The following CALN1 variants were observed in gnomAD, a reference collection of about 807,000 sequenced individuals.
CALN1 encodes calcium-binding protein 8.
A neutral mutation model predicts 30.6 loss-of-function variants in CALN1; 17 were observed. The observed-to-expected ratio is 0.56, with a 90% CI of 0.38 to 0.83. The LOEUF (loss-of-function observed/expected upper bound fraction) is 0.83, where lower values mean the gene tolerates loss of function less well. CALN1 is among the 40% of genes least tolerant of loss of function. The pLI is 0.00. For missense variants in CALN1, 291 were observed against 354.9 expected (o/e 0.82, Z 1.45); for synonymous variants, 156 against 131.4 (o/e 1.19, Z -1.28).
At chr7:71,979,592 G>A (rs1262708324) in intron 5 of CALN1, among the ~76,000 whole-genome samples, 1 of 152,122 alleles carries the variant, frequency 6.6e-6, no homozygotes, top group African/African-American at 2.4e-5. Context: ...AATCTTCACT[G>A]ACTCACCCAC....
chr7:71,994,803 C>A (rs975019873), intron 5 of CALN1, among the ~76,000 whole-genome samples: 4 of 151,222 alleles, frequency 2.6e-5, no homozygotes, highest in Non-Finnish European at 4.4e-5. Context: ...TTGGTTGGAC[C>A]AGGTGTGCCA....
intron 4 of CALN1, among the ~76,000 whole-genome samples, chr7:72,090,309 G>A (rs1259984360): frequency 1.3e-5 from 2 of 152,030 alleles, no homozygotes. Flanking sequence ...AAAGAAAGGA[G>A]AAAAGTAAAA....
At chr7:72,315,965 G>A (rs1447526779) in intron 2 of CALN1, among the ~76,000 whole-genome samples, 1 of 151,738 alleles carries the variant, frequency 6.6e-6, no homozygotes, top group East Asian at 1.9e-4. Flanking sequence ...TGGCCAACAT[G>A]GTGAAACCCC....
At chr7:72,158,018 T>C (rs534763320) in intron 3 of CALN1, among the ~76,000 whole-genome samples, 58 of 152,320 alleles carry the variant, frequency 3.8e-4, no homozygotes, top group African/African-American at 1.3e-3. Flanking sequence ...GTGCTGTGAT[T>C]ACAGGTGTGA....
intron 2 of CALN1, among the ~76,000 whole-genome samples, chr7:72,300,703 T>C (rs979697233): frequency 6.6e-6 from 1 of 152,172 alleles, no homozygotes; most frequent in East Asian, 1.9e-4. Context: ...TGTCTAATTA[T>C]ATTTATAGCC....
intron 4 of CALN1, among the ~76,000 whole-genome samples, chr7:72,026,301 G>C (rs1584771677): frequency 1.3e-5 from 2 of 152,118 alleles, no homozygotes; most frequent in Admixed American, 1.3e-4. Flanking sequence ...CAAAATAGAG[G>C]GGGGTTGGGT....
At chr7:72,319,868 G>A (rs932021815) in intron 2 of CALN1, among the ~76,000 whole-genome samples, 4 of 151,920 alleles carry the variant, frequency 2.6e-5, no homozygotes, top group African/African-American at 9.7e-5. Context: ...AGGGTGGGAG[G>A]GGATGAGAGA....
intron 4 of CALN1, among the ~76,000 whole-genome samples, chr7:72,058,706 A>T (rs1489942066): frequency 6.6e-6 from 1 of 152,158 alleles, no homozygotes; most frequent in African/African-American, 2.4e-5. Flanking sequence ...GGAAGATGGT[A>T]AGCTCTGAAC....
chr7:72,088,735 A>AAGAAG (rs1394871387), intron 4 of CALN1, among the ~76,000 whole-genome samples: 1 of 149,602 alleles, frequency 6.7e-6, no homozygotes, highest in African/African-American at 2.4e-5. Context: ...AGAAAGAAGA[A>AAGAAG]GGAAGGAAGG....
chr7:72,376,724 T>C (rs1443056918), intron 2 of CALN1, among the ~76,000 whole-genome samples: 1 of 152,246 alleles, frequency 6.6e-6, no homozygotes, highest in Admixed American at 6.5e-5. Flanking sequence ...AAATCCAATT[T>C]ATCTATTTCT....
intron 3 of CALN1, among the ~76,000 whole-genome samples, chr7:72,277,475 A>G (rs1315366933): frequency 6.6e-6 from 1 of 152,154 alleles, no homozygotes; most frequent in Non-Finnish European, 1.5e-5. Context: ...AGCAGCCGCT[A>G]TCCCTAGGAA....
chr7:72,189,978 G>A (rs959696812), intron 3 of CALN1, among the ~76,000 whole-genome samples: 1 of 152,098 alleles, frequency 6.6e-6, no homozygotes, highest in African/African-American at 2.4e-5. Flanking sequence ...TTACTGTCCA[G>A]GAAGATGTTA....
chr7:72,081,760 G>C (rs1195599096), intron 4 of CALN1, among the ~76,000 whole-genome samples: 1 of 152,058 alleles, frequency 6.6e-6, no homozygotes, highest in Non-Finnish European at 1.5e-5. Flanking sequence ...GGACTAGCCA[G>C]AACTCATCCA....
chr7:71,922,731 A>C lies in CALN1; in HGVS notation c.501+100926T>G, dbSNP rs538883966. The stretch of plus-strand genomic sequence containing the variant: ...TATATTATATAAATATATAACATAC[A>C]GAATATATTATATATAAATATATAA... On this transcript the variant is annotated intron_variant, in intron 5 of 6. Transcript: ENST00000395275. 2.9e-4 allele frequency among the ~76,000 whole-genome samples: 40 copies of C among 138,588 alleles called. 1 individual carries two copies. The South Asian group carries it at 4.8e-3, about 17-fold the overall frequency. The allele number at this position is 138,588 out of a possible 152,430, so 90.9% of individuals were successfully genotyped here.
chr7:72,336,158 G>A (rs952389161), intron 2 of CALN1, among the ~76,000 whole-genome samples: 9 of 152,190 alleles, frequency 5.9e-5, no homozygotes, highest in Non-Finnish European at 1.3e-4. Context: ...GCCCAGAAAG[G>A]CAAGCAGTCA....
chr7:72,477,578 C>T, the CALN1 span, among the ~76,000 whole-genome samples: 1 of 152,118 alleles, frequency 6.6e-6, no homozygotes, highest in Non-Finnish European at 1.5e-5. Context: ...ACACCACATT[C>T]AGCTAACTTT....
intron 4 of CALN1, among the ~76,000 whole-genome samples, chr7:72,035,435 G>A (rs1202971143): frequency 6.6e-6 from 1 of 152,140 alleles, no homozygotes; most frequent in Non-Finnish European, 1.5e-5. Context: ...GCATATGCCA[G>A]CATTTCCTTC....
chr7:71,839,964 G>GA (rs1420282726), intron 5 of CALN1, among the ~76,000 whole-genome samples: 1 of 152,132 alleles, frequency 6.6e-6, no homozygotes, highest in Non-Finnish European at 1.5e-5. Flanking sequence ...GGCTGTCTTT[G>GA]GAGAATGCAG....
chr7:72,295,048 C>CA (rs34934498), intron 2 of CALN1, among the ~76,000 whole-genome samples: 66,286 of 151,910 alleles, frequency 0.44, 16,439 homozygotes, highest in South Asian at 0.68. Flanking sequence ...TAATGAAAGT[C>CA]AATACTTTCA....
Sources: allele counts gnomAD v4.1 joint callset (sites outside exome capture counted in the v4.1 genomes callset), GRCh38; gene constraint gnomAD v4.1.1; transcripts MANE v1.5; gene names NCBI Gene and HGNC (gene_info 2026-07-23, HGNC 2026-07-21).